The following FBXO11 variants were observed in gnomAD, a reference collection of about 807,000 sequenced individuals.
FBXO11 encodes F-box protein 11.
In FBXO11, 13 loss-of-function variants were observed where a neutral mutation model predicts 117.0. The observed-to-expected ratio is 0.11, with a 90% CI of 0.07 to 0.18. The LOEUF (loss-of-function observed/expected upper bound fraction) is 0.18, where lower values mean the gene tolerates loss of function less well. Among genes scored for constraint, FBXO11 ranks in the 10% least tolerant of loss-of-function variants. The pLI, the probability that FBXO11 is intolerant of heterozygous loss-of-function variation, is 1.00. For synonymous variants in FBXO11, 490 were observed against 380.5 expected (o/e 1.29, Z -3.35); for missense variants, 767 against 1,164.4 (o/e 0.66, Z 4.97).
intron 1 of FBXO11, among the ~76,000 whole-genome samples, chr2:47,869,575 G>C (rs907860874): frequency 6.6e-6 from 1 of 152,226 alleles, no homozygotes; most frequent in Non-Finnish European, 1.5e-5. Flanking sequence ...CATCAGGAAT[G>C]AAGGTTTGGG....
At chr2:47,810,888 C>G (rs1226245039) in intron 18 of FBXO11, 1 of 152,576 alleles carries the variant, frequency 6.6e-6, no homozygotes, top group Non-Finnish European at 1.5e-5. Context: ...TGCATAGTTT[C>G]CAATCAGTTA....
intron 11 of FBXO11, 127 bp downstream of exon 11, chr2:47,832,222 C>A: frequency 1.5e-6 from 1 of 672,258 alleles, no homozygotes; most frequent in Non-Finnish European, 2.3e-6. Flanking sequence ...AAAAATAATG[C>A]TGAAATTGCT....
chr2:47,888,748 G>A lies in FBXO11; in HGVS notation c.232+16741C>T, dbSNP rs72876859. On this transcript the variant is annotated intron_variant, in intron 1 of 22. Transcript: ENST00000403359. ...GTATCATGTGTTTATACACACCCAA[G>A]CACCCAAACCACACACACTTCAGAA... is the stretch of plus-strand genomic sequence containing the variant. 6,567 of 693,276 alleles carry A rather than the reference G, an allele frequency of 9.5e-3. 364 individuals carry two copies. In the African/African-American group the frequency reaches 0.12, roughly 13 times the overall value. 42.9% of individuals were successfully genotyped at this position (693,276 alleles called of 1,614,324 possible). A position where few individuals can be genotyped will look rare whatever the true frequency, so the allele number is the denominator to read the frequency against.
intron 1 of FBXO11, among the ~76,000 whole-genome samples, chr2:47,899,260 C>T (rs1315286738): frequency 8.4e-6 from 1 of 118,628 alleles, no homozygotes; most frequent in Non-Finnish European, 1.6e-5. Flanking sequence ...GGCGACAGAG[C>T]AAGACTCCGT....
chr2:47,873,050 T>C (rs1376437273), intron 1 of FBXO11, among the ~76,000 whole-genome samples: 1 of 152,156 alleles, frequency 6.6e-6, no homozygotes, highest in Admixed American at 6.5e-5. Context: ...TGTAGAGTAA[T>C]AAAGTAGGAA....
At position 47,904,156 on chromosome 2, in the gene FBXO11, T is replaced by G. The variant is rs978222143; in HGVS notation, c.232+1333A>C. ...AAACCGTTTTTAAGGAAATAATGTA[T>G]AATTTTAAAAAACATTTAATCTCAA... On this transcript the variant is annotated intron_variant, in intron 1 of 22. Transcript: ENST00000403359. Among the ~76,000 whole-genome samples the G allele has an allele frequency of 3.3e-5, 5 of 152,250 alleles. No homozygotes were observed. The South Asian group carries it at 6.2e-4, about 19-fold the overall frequency.
intron 1 of FBXO11, among the ~76,000 whole-genome samples, chr2:47,897,161 CCTA>C (rs1677729435): frequency 6.6e-6 from 1 of 152,154 alleles, no homozygotes; most frequent in Non-Finnish European, 1.5e-5. Flanking sequence ...CATCCCCTTT[CCTA>C]CTAAGTGTTA....
At chr2:47,841,874 C>T (rs1481187673) in intron 1 of FBXO11, among the ~76,000 whole-genome samples, 3 of 151,756 alleles carry the variant, frequency 2.0e-5, no homozygotes, top group Non-Finnish European at 4.4e-5. Flanking sequence ...CTCCTGACCT[C>T]GTGATCCCCC....
intron 4 of FBXO11, chr2:47,836,890 C>G: frequency 2.8e-6 from 1 of 360,026 alleles, no homozygotes; most frequent in Non-Finnish European, 5.4e-6. Flanking sequence ...TTCAAGTGAT[C>G]CTCTTGTCTT....
chr2:47,813,699 C>G lies in FBXO11; in HGVS notation c.2083+92G>C, dbSNP rs372498244. 68 of 1,047,256 alleles carry G rather than the reference C, an allele frequency of 6.5e-5. No individual in the cohort carries two copies. The African/African-American group carries it at 9.8e-4, about 15-fold the overall frequency. The allele number at this position is 1,047,256 out of a possible 1,614,324, so 64.9% of individuals were successfully genotyped here. ...CCACCCATCTCGGCCTCCCAAAGTG[C>G]TGGGATTACAGGCGTGAGCCACCGT... is the stretch of plus-strand genomic sequence containing the variant. On this transcript the variant is annotated intron_variant, in intron 17 of 22. Coordinates refer to ENST00000403359, the MANE Select transcript of FBXO11 (RefSeq NM_001190274.2).
chr2:47,893,763 T>C (rs1474113061), intron 1 of FBXO11, among the ~76,000 whole-genome samples: 2 of 152,128 alleles, frequency 1.3e-5, no homozygotes, highest in African/African-American at 4.8e-5. Flanking sequence ...AATTTAAAGA[T>C]AAGATTAAGA....
rs1176013796 is a variant in FBXO11 at position 47,900,579 on chromosome 2, C to CGTGTGT, written c.232+4909_232+4910insACACAC. On this transcript the variant is annotated intron_variant, in intron 1 of 22. Transcript: ENST00000403359. ...ACACGTATATATACACACGTATACA[C>CGTGTGT]ACATATATACGTATATACACACGTA... 4.0e-4 allele frequency among the ~76,000 whole-genome samples: 55 copies of CGTGTGT among 138,648 alleles called. 3 individuals carry two copies. The highest frequency in any genetic ancestry group is 5.3e-4 in the Non-Finnish European group (33 of 61,950). 91.0% of individuals were successfully genotyped at this position (138,648 alleles called of 152,430 possible). A position where few individuals can be genotyped will look rare whatever the true frequency, so the allele number is the denominator to read the frequency against.
intron 1 of FBXO11, among the ~76,000 whole-genome samples, chr2:47,850,054 C>CA (rs1673737650): frequency 6.6e-6 from 1 of 152,140 alleles, no homozygotes; most frequent in Admixed American, 6.6e-5. Flanking sequence ...AAGGGAGCTA[C>CA]AGCACAATAC....
At chr2:47,893,097 T>C (rs1416843613) in intron 1 of FBXO11, among the ~76,000 whole-genome samples, 3 of 151,856 alleles carry the variant, frequency 2.0e-5, no homozygotes, top group Non-Finnish European at 4.4e-5. Context: ...GAGGCTGTAG[T>C]GAGTCAACAT....
chr2:47,819,223 T>C, intron 14 of FBXO11, 145 bp from the exon 15 acceptor site: 3 of 739,690 alleles, frequency 4.1e-6, no homozygotes, highest in Non-Finnish European at 6.4e-6. Flanking sequence ...TTCTTTTGTT[T>C]TGTTTTGTTT....
chr2:47,904,848 G>A (rs906634141), intron 1 of FBXO11, among the ~76,000 whole-genome samples: 5 of 151,904 alleles, frequency 3.3e-5, no homozygotes, highest in Non-Finnish European at 5.9e-5. Context: ...CCAGGGGTTC[G>A]TAACTAAAGA....
At position 47,839,399 on chromosome 2, in the gene FBXO11, T is replaced by C; in HGVS notation, c.442+20A>G. On this transcript the variant is annotated intron_variant, in intron 3 of 22. Transcript: ENST00000403359. ...AAAAAAATTATTTTACCCTATTTGT[T>C]ACTTTCCCACAGGAAATACCTGATA... 6.3e-7 allele frequency: 1 copy of C among 1,592,322 alleles called. No individual in the cohort carries two copies. The highest frequency in any genetic ancestry group is 8.5e-7 in the Non-Finnish European group (1 of 1,173,152).
chr2:47,901,042 TACATATATACAC>T (rs1678215522), intron 1 of FBXO11, among the ~76,000 whole-genome samples: 1 of 137,024 alleles, frequency 7.3e-6, no homozygotes. Flanking sequence ...CACACGTGTG[TACATATATACAC>T]ATATATATGT....
intron 1 of FBXO11, among the ~76,000 whole-genome samples, chr2:47,900,121 T>C (rs74827261): frequency 0.053 from 8,040 of 152,158 alleles, 218 homozygotes; most frequent in Non-Finnish European, 0.067. Context: ...TTAGGCCTTA[T>C]CAGCAGAGCT....
Sources: allele counts gnomAD v4.1 joint callset (sites outside exome capture counted in the v4.1 genomes callset), GRCh38; gene constraint gnomAD v4.1.1; transcripts MANE v1.5; gene names NCBI Gene and HGNC (gene_info 2026-07-23, HGNC 2026-07-21).